The following OTUD5 variants were observed in gnomAD, a reference collection of about 807,000 sequenced individuals.
The protein encoded by OTUD5 is OTU deubiquitinase 5, also known as OTU domain-containing protein 5.
A neutral mutation model predicts 36.3 loss-of-function variants in OTUD5; 2 were observed. That is an observed-to-expected ratio of 0.06 (90% CI 0.02 to 0.17). OTUD5 has a LOEUF of 0.17. Among genes scored for constraint, OTUD5 ranks in the 10% least tolerant of loss-of-function variants. The pLI is 1.00. For missense variants in OTUD5, 233 were observed against 512.3 expected (o/e 0.45, Z 5.26); for synonymous variants, 234 against 214.9 (o/e 1.09, Z -0.78).
intron 5 of OTUD5, among the ~76,000 whole-genome samples, chrX:48,933,902 A>G (rs2063793206): frequency 9.3e-6 from 1 of 107,119 alleles, no homozygotes; most frequent in African/African-American, 3.4e-5. Flanking sequence ...TCCTCAGCAA[A>G]TGACTGTAAG....
At chrX:48,935,401 G>A (rs782225321) in intron 2 of OTUD5, among the ~76,000 whole-genome samples, 5 of 111,473 alleles carry the variant, frequency 4.5e-5, no homozygotes, top group Non-Finnish European at 9.4e-5. Context: ...GGGGGAGTTT[G>A]TGGTTTGTCC....
At chrX:48,928,986 A>C (rs2063708606) in intron 5 of OTUD5, among the ~76,000 whole-genome samples, 1 of 111,502 alleles carries the variant, frequency 9.0e-6, no homozygotes, top group South Asian at 3.7e-4. Context: ...AAGGGTGGTC[A>C]AACTATTCTG....
At chrX:48,929,730 A>G (rs782249528) in intron 5 of OTUD5, among the ~76,000 whole-genome samples, 2 of 109,354 alleles carry the variant, frequency 1.8e-5, no homozygotes, top group Non-Finnish European at 3.8e-5. Context: ...TCAAAAATAA[A>G]TAAATAAAAA....
rs1323987553 is a variant in OTUD5, at chrX:48,922,506, C to G, written c.*668G>C. 1 of 752,952 alleles carries G rather than the reference C, an allele frequency of 1.3e-6. No individual in the cohort carries two copies. The highest frequency in any genetic ancestry group is 1.5e-4 in the East Asian group (1 of 6,678). 62.1% of individuals were successfully genotyped at this position (752,952 alleles called of 1,213,427 possible). On this transcript the variant is annotated 3_prime_UTR_variant, in exon 9 of 9. Coordinates refer to ENST00000376488, the MANE Select transcript of OTUD5 (RefSeq NM_001136157.2). ...CCTAGACCCTGGGCCGGCCTCCATG[C>G]AGCTGGAGGCCAGAAGACAGCAACC...
chrX:48,925,710 G>T, intron 6 of OTUD5, 137 bp downstream of exon 6: 1 of 495,932 alleles, frequency 2.0e-6, no homozygotes, highest in Non-Finnish European at 3.4e-6. Flanking sequence ...CTAAGACCAA[G>T]ATGAGTTACA....
rs1341219527 is a variant in OTUD5 at position 48,928,048 on chromosome X, C to G, written c.1060-1998G>C. Among the ~76,000 whole-genome samples, 3 of 112,813 alleles carry G rather than the reference C, an allele frequency of 2.7e-5. No homozygotes were observed. In the Admixed American group the frequency reaches 2.8e-4, roughly 11 times the overall value. ...ATGCTCAACAGCATTTGCCAATAGG[C>G]AACTGCAAGTTAAAATAATGAGATA... On this transcript the variant is annotated intron_variant, in intron 5 of 8. Coordinates refer to ENST00000376488, the MANE Select transcript of OTUD5 (RefSeq NM_001136157.2).
intron 2 of OTUD5, among the ~76,000 whole-genome samples, chrX:48,939,078 T>C (rs904095455): frequency 1.8e-5 from 2 of 111,719 alleles, no homozygotes; most frequent in African/African-American, 6.5e-5. Flanking sequence ...CATTCTATCC[T>C]TACCAAAACA....
In OTUD5 at chrX:48,922,048, A is replaced by G. The variant is rs1557046311; in HGVS notation, c.*1126T>C. The stretch of plus-strand genomic sequence containing the variant: ...CTTTTCCAGTGGCAATAGGTCCAGA[A>G]GGAGGTTTAATAAGCAGCAAATCAA... On this transcript the variant is annotated 3_prime_UTR_variant, in exon 9 of 9. Coordinates refer to ENST00000376488, the MANE Select transcript of OTUD5 (RefSeq NM_001136157.2). The G allele has an allele frequency of 9.3e-6, 1 of 107,975 alleles. No individual in the cohort carries two copies. Among genetic ancestry groups the G allele is most frequent in the African/African-American group, 3.4e-5 (1 of 29,058 alleles). 8.9% of individuals were successfully genotyped at this position (107,975 alleles called of 1,213,427 possible).
Position 48,923,041 on chromosome X carries a change from T to C in OTUD5, c.*133A>G. ...CAGGGGTGGGCTAGCCAGAGGGAAG[T>C]GAGGAGGAGGGAAAAGAGGGGAGAG... On this transcript the variant is annotated 3_prime_UTR_variant, in exon 9 of 9. Coordinates refer to ENST00000376488, the MANE Select transcript of OTUD5 (RefSeq NM_001136157.2). 1 of 1,145,972 alleles carries C rather than the reference T, an allele frequency of 8.7e-7. No homozygotes were observed. The highest frequency in any genetic ancestry group is 1.2e-6 in the Non-Finnish European group (1 of 862,696). 94.4% of individuals were successfully genotyped at this position (1,145,972 alleles called of 1,213,427 possible). A position where few individuals can be genotyped will look rare whatever the true frequency, so the allele number is the denominator to read the frequency against.
chrX:48,945,030 A>C (rs942037468), intron 1 of OTUD5, among the ~76,000 whole-genome samples: 11 of 109,813 alleles, frequency 1.0e-4, no homozygotes, highest in Non-Finnish European at 1.9e-4. Flanking sequence ...TCTCAAAAAA[A>C]AAAAAAAGAG....
At chrX:48,932,622 T>C (rs2147575318) in intron 5 of OTUD5, among the ~76,000 whole-genome samples, 1 of 110,791 alleles carries the variant, frequency 9.0e-6, no homozygotes, top group African/African-American at 3.3e-5. Flanking sequence ...CCACCGCACC[T>C]GGCCAGAACA....
At chrX:48,951,397 G>A (rs950192992) in intron 1 of OTUD5, among the ~76,000 whole-genome samples, 7 of 110,755 alleles carry the variant, frequency 6.3e-5, no homozygotes, top group Admixed American at 9.5e-5. Context: ...GGCGGATCAC[G>A]AAGTCAGGAG....
chrX:48,943,730 C>A (rs1238241200), intron 2 of OTUD5, among the ~76,000 whole-genome samples: 1 of 111,249 alleles, frequency 9.0e-6, no homozygotes, highest in East Asian at 2.8e-4. Context: ...GGTCATACAG[C>A]CCAGGGTGGC....
At chrX:48,932,239 A>G (rs1213715900) in intron 5 of OTUD5, among the ~76,000 whole-genome samples, 2 of 109,979 alleles carry the variant, frequency 1.8e-5, no homozygotes, top group Non-Finnish European at 3.8e-5. Context: ...GATATGTGGG[A>G]ATTCTGTATT....
chrX:48,932,835 C>T (rs1391756079), intron 5 of OTUD5, among the ~76,000 whole-genome samples: 4 of 110,066 alleles, frequency 3.6e-5, no homozygotes, highest in Non-Finnish European at 7.6e-5. Flanking sequence ...AAAACACTGG[C>T]CGGGCATGGT....
intron 5 of OTUD5, among the ~76,000 whole-genome samples, chrX:48,926,831 G>A: frequency 9.0e-6 from 1 of 111,357 alleles, no homozygotes; most frequent in South Asian, 3.7e-4. Context: ...GAATAAGGGG[G>A]CAGTATCAAC....
At chrX:48,939,051 C>CTT (rs1167110317) in intron 2 of OTUD5, among the ~76,000 whole-genome samples, 1 of 111,834 alleles carries the variant, frequency 8.9e-6, no homozygotes, top group Non-Finnish European at 1.9e-5. Context: ...ACACCAAAGA[C>CTT]TTTTCACACT....
chrX:48,950,496 T>G (rs1171635055), intron 1 of OTUD5, among the ~76,000 whole-genome samples: 1 of 109,505 alleles, frequency 9.1e-6, no homozygotes, highest in Non-Finnish European at 1.9e-5. Context: ...GATTGTGGAC[T>G]TCTGGCCTCC....
chrX:48,927,992 C>A (rs1387488752), intron 5 of OTUD5, among the ~76,000 whole-genome samples: 2 of 112,527 alleles, frequency 1.8e-5, no homozygotes, highest in African/African-American at 6.5e-5. Flanking sequence ...ACCAAAGAAG[C>A]TATACAGATG....
Sources: allele counts gnomAD v4.1 joint callset (sites outside exome capture counted in the v4.1 genomes callset), GRCh38; gene constraint gnomAD v4.1.1; transcripts MANE v1.5; gene names NCBI Gene and HGNC (gene_info 2026-07-23, HGNC 2026-07-21).